ARHGEF11: variants seen among roughly 807,000 people sequenced by gnomAD.
ARHGEF11 encodes the protein Rho guanine nucleotide exchange factor 11.
Under a neutral mutation model 193.7 loss-of-function variants are expected in ARHGEF11, and 55 were observed. The ratio of observed to expected loss-of-function variants is 0.28; its 90% confidence interval spans 0.23 to 0.36. ARHGEF11 has a LOEUF of 0.36. Ranked by LOEUF, ARHGEF11 falls within the 10% of genes least tolerant of loss-of-function variation. ARHGEF11 has a pLI of 1.00. For missense variants in ARHGEF11, 1,723 were observed against 2,005.6 expected, an observed-to-expected ratio of 0.86 and a Z score of 2.69; for synonymous variants, 693 against 768.0, an observed-to-expected ratio of 0.90 and a Z score of 1.62.
Position 156,938,479 on chromosome 1 carries a change from T to C in ARHGEF11, c.4131A>G (p.Leu1377=). 2 of 1,613,602 alleles carry C rather than the reference T, an allele frequency of 1.2e-6. No individual in the cohort carries two copies. The highest frequency in any genetic ancestry group is 2.2e-5 in the South Asian group (2 of 90,970). The part of the protein sequence containing the change: ...EVAGSKVVPA[L]PESGQSEPGP... ...CAGGCTCTGACTGGCCACTCTCTGG[T>C]AGTGCAGGGACAACCTTGCTGCCTG... Residue 1377 remains leucine, a synonymous_variant, in exon 38 of 41, where the codon CTA becomes CTG. Transcript: ENST00000368194.
Position 156,958,870 on chromosome 1 carries a change from C to A in ARHGEF11, c.1380-6G>T. ...GCCCCAGTGTGCGCTTCGTTCTAAG[C>A]CAGATAAACACAGGGAAAGAAAGAA... is the stretch of plus-strand genomic sequence containing the variant. On this transcript the variant is annotated splice_polypyrimidine_tract_variant and splice_region_variant and intron_variant, in intron 16 of 40. Coordinates refer to ENST00000368194, the MANE Select transcript of ARHGEF11 (RefSeq NM_198236.3). 1 of 1,614,030 alleles carries A rather than the reference C, an allele frequency of 6.2e-7. No homozygotes were observed. The highest frequency in any genetic ancestry group is 8.5e-7 in the Non-Finnish European group (1 of 1,179,990).
chr1:156,935,731 T>TG lies in ARHGEF11; in HGVS notation c.*268dup. 1 of 467,650 alleles carries TG rather than the reference T, an allele frequency of 2.1e-6. No individual in the cohort carries two copies. Among genetic ancestry groups the TG allele is most frequent in the Non-Finnish European group, 3.8e-6 (1 of 261,586 alleles). The allele number at this position is 467,650 out of a possible 1,614,324, so 29.0% of individuals were successfully genotyped here. On this transcript the variant is annotated 3_prime_UTR_variant, in exon 41 of 41. Transcript: ENST00000368194. Reference sequence around the variant, plus strand: ...TGGGGTGAGGGCAGACCATGGTGAGTGGGGGCCTTTCGGATGCAGTCAGCA... The same window carrying TG: ...TGGGGTGAGGGCAGACCATGGTGAGTGGGGGGCCTTTCGGATGCAGTCAGCA...
At chr1:156,951,522 C>A in intron 22 of ARHGEF11, 51 bp downstream of exon 22, 1 of 1,607,670 alleles carries the variant, frequency 6.2e-7, no homozygotes, top group Non-Finnish European at 8.5e-7. Flanking sequence ...ATCAGCCCTG[C>A]CCATGACCCA....
intron 19 of ARHGEF11, among the ~76,000 whole-genome samples, chr1:156,956,092 A>T (rs892402848): frequency 1.3e-5 from 2 of 152,086 alleles, no homozygotes; most frequent in African/African-American, 2.4e-5. Context: ...TCAAGAGGAG[A>T]TATTTTCCAG....
intron 7 of ARHGEF11, among the ~76,000 whole-genome samples, chr1:156,975,272 T>C (rs1428886713): frequency 4.6e-5 from 7 of 152,236 alleles, no homozygotes; most frequent in South Asian, 4.1e-4. Context: ...TGGTAGGTCA[T>C]TGTCATTTTG....
chr1:157,016,176 C>T (rs557429243), intron 1 of ARHGEF11, among the ~76,000 whole-genome samples: 43 of 152,296 alleles, frequency 2.8e-4, no homozygotes, highest in South Asian at 1.2e-3. Flanking sequence ...AGGCCTGGCA[C>T]ATGGTCAGCG....
chr1:156,999,031 C>T (rs1666893831), intron 1 of ARHGEF11, among the ~76,000 whole-genome samples: 1 of 152,192 alleles, frequency 6.6e-6, no homozygotes, highest in African/African-American at 2.4e-5. Context: ...ATCATGGAGG[C>T]TGCCCCAGCA....
At chr1:157,020,398 G>A (rs1040369389) in intron 1 of ARHGEF11, among the ~76,000 whole-genome samples, 48 of 152,262 alleles carry the variant, frequency 3.2e-4, no homozygotes, top group African/African-American at 1.2e-3. Flanking sequence ...CAATTATAGA[G>A]ATGCAGGTAC....
chr1:157,001,572 G>A (rs539624589), intron 1 of ARHGEF11, among the ~76,000 whole-genome samples: 42 of 152,352 alleles, frequency 2.8e-4, no homozygotes, highest in Non-Finnish European at 4.4e-5. Context: ...GATAGGAGGT[G>A]CAATAGGCAG....
At position 156,948,074 on chromosome 1, in the gene ARHGEF11, G is replaced by A. The variant is rs927172960; in HGVS notation, c.2153+107C>T. On this transcript the variant is annotated intron_variant, in intron 24 of 40. Transcript: ENST00000368194. This position sits in a 1 kb window ranked among gnomAD's most constrained non-coding sequence, Gnocchi z 4.2. ...TGCACATGGGAAACCAGTGGGCCCA[G>A]AAGAGGAGACAGCCACCCAACCAGC... 2.9e-5 allele frequency: 44 copies of A among 1,537,148 alleles called. No individual in the cohort carries two copies. The Admixed American group carries it at 7.9e-4, about 27-fold the overall frequency.
chr1:156,995,420 C>T (rs1183474729), intron 1 of ARHGEF11, among the ~76,000 whole-genome samples: 1 of 152,184 alleles, frequency 6.6e-6, no homozygotes. Context: ...CACACTCATT[C>T]CTCAGCGTTC....
chr1:156,945,937 C>A, intron 29 of ARHGEF11, 108 bp downstream of exon 29: 1 of 845,022 alleles, frequency 1.2e-6, no homozygotes, highest in Non-Finnish European at 1.9e-6. Context: ...GACGAAGACA[C>A]CAAAGACCAC....
intron 1 of ARHGEF11, among the ~76,000 whole-genome samples, chr1:157,026,834 A>C (rs1227114901): frequency 6.6e-6 from 1 of 152,244 alleles, no homozygotes; most frequent in Non-Finnish European, 1.5e-5. Flanking sequence ...ATCCTGACCC[A>C]CTGTCTATCA....
chr1:157,002,129 A>T (rs1667283275), intron 1 of ARHGEF11, among the ~76,000 whole-genome samples: 1 of 152,192 alleles, frequency 6.6e-6, no homozygotes, highest in African/African-American at 2.4e-5. Flanking sequence ...CAGGACCTAG[A>T]CACATATAAT....
At chr1:157,008,406 G>GCACACACACACACACACACA (rs60934928) in intron 1 of ARHGEF11, among the ~76,000 whole-genome samples, 1 of 149,120 alleles carries the variant, frequency 6.7e-6, no homozygotes, top group African/African-American at 2.5e-5. Context: ...TTGCACGCAC[G>GCACACACACACACACACACA]CACACACACA....
intron 13 of ARHGEF11, among the ~76,000 whole-genome samples, chr1:156,962,878 C>CAAAAA (rs59159449): frequency 4.7e-4 from 10 of 21,282 alleles, no homozygotes; most frequent in Admixed American, 1.3e-3. Flanking sequence ...GACTCCGTCT[C>CAAAAA]AAAAAAAAAA....
Position 156,936,897 on chromosome 1 carries a change from C to A in ARHGEF11, c.4549G>T (p.Gly1517Cys), listed in dbSNP as rs1187455714. Residue 1517 changes from glycine to cysteine, a missense_variant, in exon 40 of 41, where the codon GGC becomes TGC. Around this residue, in one of 5 missense-constraint regions of ARHGEF11, gnomAD observed 360 missense variants for 344.4 expected, o/e 1.05. Coordinates refer to ENST00000368194, the MANE Select transcript of ARHGEF11 (RefSeq NM_198236.3). ...TCCTTAGCGGGAGGTGAGAGGGAGC[C>A]ATCTGTCCATCTAGCTGCTTCTGTG... ...FHTEAARWTD[G>C]SLSPPAKEPL... 1 of 1,614,002 alleles carries A rather than the reference C, an allele frequency of 6.2e-7. No individual in the cohort carries two copies. Among genetic ancestry groups the A allele is most frequent in the Non-Finnish European group, 8.5e-7 (1 of 1,180,032 alleles).
chr1:156,963,227 G>C lies in ARHGEF11; in HGVS notation c.1116C>G (p.Phe372Leu), dbSNP rs145077102. Residue 372 changes from phenylalanine to leucine, a missense_variant, in exon 13 of 41, where the codon TTC becomes TTG. Transcript: ENST00000368194. ...CCAGTGGACTGGGGTCCGCCTGAGA[G>C]AAGATGTAACGTAGAAAAACCCCCA... ...AHLGVFLRYI[F>L]SQADPSPLLF... The C allele has an allele frequency of 5.4e-4, 879 of 1,614,088 alleles. 2 individuals are homozygous for C. Among genetic ancestry groups the C allele is most frequent in the South Asian group, 1.1e-3 (97 of 91,054 alleles).
intron 1 of ARHGEF11, among the ~76,000 whole-genome samples, chr1:157,013,430 C>T (rs939562180): frequency 1.3e-5 from 2 of 152,032 alleles, no homozygotes; most frequent in Non-Finnish European, 2.9e-5. Flanking sequence ...CTGCTTATTC[C>T]TCAAGCCCCT....
Sources: allele counts gnomAD v4.1 joint callset (sites outside exome capture counted in the v4.1 genomes callset), GRCh38; gene constraint gnomAD v4.1.1; regional missense constraint gnomAD v4.1.1; non-coding constraint Gnocchi (gnomAD v3.1); transcripts MANE v1.5; gene names NCBI Gene and HGNC (gene_info 2026-07-23, HGNC 2026-07-21).